The following PADI1 variants were observed in gnomAD, a reference collection of about 807,000 sequenced individuals.
PADI1 encodes the protein peptidyl arginine deiminase 1, also known as protein-arginine deiminase type-1.
PADI1 carries 65 observed loss-of-function variants against 74.8 expected under a neutral mutation model. The observed-to-expected ratio is 0.87, with a 90% CI of 0.71 to 1.07. The LOEUF (loss-of-function observed/expected upper bound fraction) is 1.07, where lower values mean the gene tolerates loss of function less well. Ranked by LOEUF, PADI1 falls within the 50% of genes least tolerant of loss-of-function variation. The pLI is 0.00. For missense variants in PADI1, 943 were observed against 854.0 expected (o/e 1.10, Z -1.30); for synonymous variants, 371 against 336.2 (o/e 1.10, Z -1.13).
chr1:17,230,196 C>G lies in PADI1; in HGVS notation c.1041C>G (p.Asp347Glu). 1 of 1,613,866 alleles carries G rather than the reference C, an allele frequency of 6.2e-7. No individual in the cohort carries two copies. Among genetic ancestry groups the G allele is most frequent in the South Asian group, 1.1e-5 (1 of 91,040 alleles). The part of the protein sequence containing the change: ...TICPQVENRN[D>E]RWIQDEMEFG... ...GCCCTCAAGTTGAAAATCGAAATGA[C>G]CGCTGGATCCAGGTGGGAGCTGGGG... is the stretch of plus-strand genomic sequence containing the variant. The change falls in exon 9 of 16, where the codon GAC becomes GAG. Residue 347 changes from aspartate to glutamate, a missense_variant. Asp to Glu is a conservative substitution (Grantham distance 45). Coordinates refer to ENST00000375471, the MANE Select transcript of PADI1 (RefSeq NM_013358.3).
intron 5 of PADI1, 46 bp from the exon 6 acceptor site, chr1:17,225,987 T>C: frequency 4.3e-6 from 7 of 1,611,620 alleles, no homozygotes; most frequent in Non-Finnish European, 5.9e-6. Context: ...TGGATCCTGT[T>C]GGTGGGGTGG....
At chr1:17,217,797 A>G (rs75727984) in intron 1 of PADI1, among the ~76,000 whole-genome samples, 8 of 152,228 alleles carry the variant, frequency 5.3e-5, no homozygotes, top group Admixed American at 4.6e-4. Flanking sequence ...CAAGGCTACA[A>G]ATCAGGGCTT....
Position 17,230,217 on chromosome 1 carries a change from T to C in PADI1, c.1053+9T>C. The C allele has an allele frequency of 6.2e-7, 1 of 1,611,986 alleles. No individual in the cohort carries two copies. The highest frequency in any genetic ancestry group is 1.3e-5 in the African/African-American group (1 of 74,998). ...ATGACCGCTGGATCCAGGTGGGAGC[T>C]GGGGGCAGCTCGGGAAGCCTGCAGC... is the stretch of plus-strand genomic sequence containing the variant. On this transcript the variant is annotated intron_variant, in intron 9 of 15. Transcript: ENST00000375471.
chr1:17,227,778 T>G (rs1173785522), intron 6 of PADI1, among the ~76,000 whole-genome samples: 1 of 152,130 alleles, frequency 6.6e-6, no homozygotes, highest in Non-Finnish European at 1.5e-5. Context: ...GGACTCAGCT[T>G]AAAAGTACTT....
intron 1 of PADI1, among the ~76,000 whole-genome samples, chr1:17,211,897 T>C (rs1402532332): frequency 6.6e-6 from 1 of 152,234 alleles, no homozygotes; most frequent in East Asian, 1.9e-4. Flanking sequence ...AATCAGAGAA[T>C]GGAGTAAAAA....
At chr1:17,229,098 G>GT (rs1163617150) in intron 8 of PADI1, 47 bp downstream of exon 8, 3 of 1,232,956 alleles carry the variant, frequency 2.4e-6, no homozygotes, top group Non-Finnish European at 2.3e-6. Flanking sequence ...GAGTGCAGAG[G>GT]TAGGGACAGA....
At chr1:17,232,704 TA>T in intron 10 of PADI1, 114 bp from the exon 11 acceptor site, 1 of 850,984 alleles carries the variant, frequency 1.2e-6, no homozygotes, top group Non-Finnish European at 1.8e-6. Flanking sequence ...TTTCAGGTAC[TA>T]AGAGCCATGG....
At chr1:17,222,915 C>T (rs920090291) in intron 2 of PADI1, among the ~76,000 whole-genome samples, 3 of 152,202 alleles carry the variant, frequency 2.0e-5, no homozygotes, top group African/African-American at 7.2e-5. Context: ...ATCGCCTGCC[C>T]GAAGCTCAGA....
intron 1 of PADI1, among the ~76,000 whole-genome samples, chr1:17,217,656 G>A (rs2072015827): frequency 6.6e-6 from 1 of 152,198 alleles, no homozygotes; most frequent in Admixed American, 6.5e-5. Context: ...TTTTACCATT[G>A]TCCAGATATA....
intron 11 of PADI1, among the ~76,000 whole-genome samples, chr1:17,233,560 T>C (rs35269235): frequency 0.37 from 56,792 of 152,134 alleles, 10,956 homozygotes; most frequent in African/African-American, 0.46. Context: ...CAGGTGGCGA[T>C]GTCTGTTAGG....
At chr1:17,220,162 A>C (rs1247465192) in intron 1 of PADI1, among the ~76,000 whole-genome samples, 4 of 108 alleles carry the variant, frequency 0.037, no homozygotes, top group South Asian at 0.25. Context: ...AGCAGCCTGC[A>C]GGGGCTCCTG....
At chr1:17,221,524 G>C (rs2072150271) in intron 1 of PADI1, among the ~76,000 whole-genome samples, 1 of 151,920 alleles carries the variant, frequency 6.6e-6, no homozygotes, top group African/African-American at 2.4e-5. Flanking sequence ...GGATCAGTCG[G>C]GGGGAAAGGT....
At chr1:17,233,405 G>A (rs2072551133) in intron 11 of PADI1, among the ~76,000 whole-genome samples, 1 of 152,222 alleles carries the variant, frequency 6.6e-6, no homozygotes, top group Non-Finnish European at 1.5e-5. Context: ...AAAGGGTCCT[G>A]AGGTCATGAA....
At chr1:17,214,807 C>T (rs2071930861) in intron 1 of PADI1, among the ~76,000 whole-genome samples, 1 of 152,188 alleles carries the variant, frequency 6.6e-6, no homozygotes, top group Admixed American at 6.5e-5. Flanking sequence ...TAAGGAAAGG[C>T]AGTATAAGCC....
intron 6 of PADI1, among the ~76,000 whole-genome samples, chr1:17,226,989 G>A (rs1025520603): frequency 8.6e-5 from 13 of 150,688 alleles, no homozygotes; most frequent in Non-Finnish European, 1.6e-4. Flanking sequence ...CTGAGATCAC[G>A]CCACTGCACT....
intron 11 of PADI1, among the ~76,000 whole-genome samples, chr1:17,235,706 C>T (rs1396794696): frequency 6.6e-6 from 1 of 152,096 alleles, no homozygotes; most frequent in Non-Finnish European, 1.5e-5. Flanking sequence ...AGGGGAGGGG[C>T]TCCTTGGTGT....
At chr1:17,206,916 A>G (rs2071700600) in intron 1 of PADI1, among the ~76,000 whole-genome samples, 1 of 151,978 alleles carries the variant, frequency 6.6e-6, no homozygotes, top group Admixed American at 6.5e-5. Context: ...CCTGACCTCA[A>G]GTGATCAACC....
At chr1:17,230,012 A>G (rs536856596) in intron 8 of PADI1, 73 bp from the exon 9 acceptor site, 1 of 1,482,862 alleles carries the variant, frequency 6.7e-7, no homozygotes, top group East Asian at 2.3e-5. Context: ...GGCCCAGCAC[A>G]AACTGAAGGC....
chr1:17,240,664 G>C lies in PADI1; in HGVS notation c.1662G>C (p.Leu554=). ...GCATTGACTGGAACCGTAATGTGCT[G>C]AAGCGGGAGCTGGGCCTGGCAGAGA... ...QKCIDWNRNV[L]KRELGLAESD... The change falls in exon 15 of 16, where the codon CTG becomes CTC. Residue 554 remains leucine, a synonymous_variant. Transcript: ENST00000375471. The C allele has an allele frequency of 6.2e-7, 1 of 1,614,154 alleles. No homozygotes were observed. Among genetic ancestry groups the C allele is most frequent in the East Asian group, 2.2e-5 (1 of 44,882 alleles).
Sources: gnomAD v4.1 joint callset for allele counts (sites outside exome capture counted in the v4.1 genomes callset) on GRCh38, gnomAD v4.1.1 for gene constraint, MANE v1.5 for transcripts, NCBI Gene and HGNC (gene_info 2026-07-23, HGNC 2026-07-21) for gene names.